DCN: variants seen among roughly 807,000 people sequenced by gnomAD.
DCN encodes the protein bone proteoglycan II.
Under a neutral mutation model 36.5 loss-of-function variants are expected in DCN, and 17 were observed. The observed-to-expected ratio is 0.47, with a 90% CI of 0.32 to 0.70. The LOEUF (loss-of-function observed/expected upper bound fraction) is 0.70. Ranked by LOEUF, DCN falls within the 30% of genes least tolerant of loss-of-function variation. The pLI is 0.04. For synonymous variants in DCN, 163 were observed against 161.4 expected, an observed-to-expected ratio of 1.01 and a Z score of -0.07; for missense variants, 389 against 430.1, an observed-to-expected ratio of 0.90 and a Z score of 0.84.
At position 91,171,694 on chromosome 12, in the gene DCN, A is replaced by G. The variant is rs532022794; in HGVS notation, c.211+6648T>C. ...AAGCTTGTGGGCGACAGCAGCAGCA[A>G]CTGTCAGTTATGAGAGTGAACAGGT... is the stretch of plus-strand genomic sequence containing the variant. On this transcript the variant is annotated intron_variant, in intron 2 of 7. Coordinates refer to ENST00000052754, the MANE Select transcript of DCN (RefSeq NM_001920.5). 4.6e-5 allele frequency among the ~76,000 whole-genome samples: 7 copies of G among 152,342 alleles called. No homozygotes were observed. The East Asian group carries it at 1.4e-3, about 29-fold the overall frequency.
At chr12:91,163,269 C>A (rs1255109296) in intron 3 of DCN, among the ~76,000 whole-genome samples, 1 of 152,164 alleles carries the variant, frequency 6.6e-6, no homozygotes, top group Admixed American at 6.5e-5. Flanking sequence ...TTGGGTTGGT[C>A]ATTTCCCTTG....
At chr12:91,177,397 A>T in intron 2 of DCN, 2 of 578,682 alleles carry the variant, frequency 3.5e-6, no homozygotes, top group Admixed American at 3.1e-5. Context: ...GTGCCTGATC[A>T]TAGTATGGAA....
intron 7 of DCN, among the ~76,000 whole-genome samples, chr12:91,148,232 C>A (rs1238253774): frequency 1.3e-5 from 2 of 152,054 alleles, no homozygotes; most frequent in South Asian, 4.2e-4. Flanking sequence ...CACCACCACG[C>A]CCGGCTAATT....
At chr12:91,155,349 G>T (rs780096459) in intron 5 of DCN, among the ~76,000 whole-genome samples, 1 of 152,040 alleles carries the variant, frequency 6.6e-6, no homozygotes, top group Non-Finnish European at 1.5e-5. Flanking sequence ...ATGATACCCG[G>T]AACTAAATAC....
chr12:91,150,562 T>C (rs928201654), intron 7 of DCN, among the ~76,000 whole-genome samples: 3 of 152,124 alleles, frequency 2.0e-5, no homozygotes, highest in African/African-American at 7.2e-5. Flanking sequence ...TGCCAGTCAG[T>C]ATGGTGATTA....
In DCN at chr12:91,142,863, A is replaced by C. The variant is rs2121105039; in HGVS notation, c.*3195T>G. The C allele has an allele frequency of 6.6e-6, 1 of 152,314 alleles. No individual in the cohort carries two copies. Among genetic ancestry groups the C allele is most frequent in the East Asian group, 1.9e-4 (1 of 5,182 alleles). The allele number at this position is 152,314 out of a possible 1,614,324, so 9.4% of individuals were successfully genotyped here. A position where few individuals can be genotyped will look rare whatever the true frequency, so the allele number is the denominator to read the frequency against. On this transcript the variant is annotated 3_prime_UTR_variant, in exon 8 of 8. Transcript: ENST00000052754. ...AAAAAAATTAAACATTTAATAAGGA[A>C]AAAAGAAAGTGGATATTAATGATTA...
intron 3 of DCN, among the ~76,000 whole-genome samples, chr12:91,159,387 G>A (rs1882015018): frequency 6.6e-6 from 1 of 151,628 alleles, no homozygotes; most frequent in African/African-American, 2.4e-5. Flanking sequence ...GCTTTTCTTT[G>A]TATTTCCTTG....
At position 91,147,731 on chromosome 12, in the gene DCN, G is replaced by A. The variant is rs192504029; in HGVS notation, c.886-1479C>T. ...CATAAAGTACTGGAATTGAAATAAA[G>A]AATCACAAACTCCAAGAAATTCTTA... On this transcript the variant is annotated intron_variant, in intron 7 of 7. Coordinates refer to ENST00000052754, the MANE Select transcript of DCN (RefSeq NM_001920.5). 1.7e-4 allele frequency among the ~76,000 whole-genome samples: 26 copies of A among 152,236 alleles called. No homozygotes were observed. In the East Asian group the frequency reaches 4.6e-3, roughly 27 times the overall value.
intron 7 of DCN, among the ~76,000 whole-genome samples, chr12:91,149,472 AAG>A (rs1280005628): frequency 6.6e-6 from 1 of 152,240 alleles, no homozygotes; most frequent in African/African-American, 2.4e-5. Flanking sequence ...GCATCTATAG[AAG>A]ACCTGTGGCT....
chr12:91,170,677 A>G (rs1209548166), intron 2 of DCN, among the ~76,000 whole-genome samples: 2 of 152,208 alleles, frequency 1.3e-5, no homozygotes, highest in Non-Finnish European at 2.9e-5. Context: ...TAGAGTCAGA[A>G]TGGCTCGGGT....
At chr12:91,157,336 C>A in intron 4 of DCN, 148 bp from the exon 5 acceptor site, 1 of 656,112 alleles carries the variant, frequency 1.5e-6, no homozygotes, top group Middle Eastern at 2.9e-4. Context: ...AGAGCATGCT[C>A]CTCAGGAGAA....
chr12:91,146,259 C>T lies in DCN; in HGVS notation c.886-7G>A, dbSNP rs780312819. 4.5e-6 allele frequency: 7 copies of T among 1,545,398 alleles called. No homozygotes were observed. Among genetic ancestry groups the T allele is most frequent in the South Asian group, 1.1e-5 (1 of 89,092 alleles). The stretch of plus-strand genomic sequence containing the variant: ...TGTTATGAAGGTAGACAACCTACAA[C>T]ATGAAACGATAGAAAATAATTATTA... On this transcript the variant is annotated splice_region_variant and splice_polypyrimidine_tract_variant and intron_variant, in intron 7 of 7. Transcript: ENST00000052754.
At position 91,158,361 on chromosome 12, in the gene DCN, T is replaced by C. The variant is rs1402013836; in HGVS notation, c.473A>G (p.His158Arg). 5 of 1,613,836 alleles carry C rather than the reference T, an allele frequency of 3.1e-6. No individual in the cohort carries two copies. Among genetic ancestry groups the C allele is most frequent in the South Asian group, 1.1e-5 (1 of 91,080 alleles). ...MPKTLQELRA[H>R]ENEITKVRKV... is the part of the protein sequence containing the mutation. ...TCGCACTTTGGTGATCTCATTCTCATGGGCACGCAGCTCCTGAAGAGTTTT... is the reference window on the plus strand; with the variant it reads ...TCGCACTTTGGTGATCTCATTCTCACGGGCACGCAGCTCCTGAAGAGTTTT... The change falls in exon 4 of 8, where the codon CAT (histidine) becomes CGT (arginine). Residue 158 changes from histidine (H) to arginine (R), a missense_variant. Transcript: ENST00000052754.
chr12:91,147,813 T>G (rs1012644319), intron 7 of DCN, among the ~76,000 whole-genome samples: 3 of 152,202 alleles, frequency 2.0e-5, no homozygotes, highest in African/African-American at 7.2e-5. Flanking sequence ...CAAATACATA[T>G]TTTACGTAAT....
chr12:91,179,359 G>C (rs1883477787), intron 1 of DCN: 1 of 152,154 alleles, frequency 6.6e-6, no homozygotes, highest in Non-Finnish European at 1.5e-5. Context: ...GTAGAATACC[G>C]ACCTTGCAAG....
Position 91,178,495 on chromosome 12 carries a change from G to C in DCN, c.58C>G (p.Gln20Glu), listed in dbSNP as rs771532366. The C allele has an allele frequency of 6.2e-7, 1 of 1,613,610 alleles. No homozygotes were observed. The highest frequency in any genetic ancestry group is 8.5e-7 in the Non-Finnish European group (1 of 1,179,956). The change falls in exon 2 of 8, where the codon CAA (glutamine) becomes GAA (glutamate). Residue 20 changes from glutamine (Q) to glutamate (E), a missense_variant. Gln to Glu is a conservative substitution (Grantham distance 29, BLOSUM62 2). Transcript: ENST00000052754. ...LAQVSWAGPFQQRGLFDFMLE... is the reference protein window; with the variant it reads ...LAQVSWAGPFEQRGLFDFMLE... ...ATAAAGTCAAATAAGCCTCTCTGTT[G>C]AAACGGTCCAGCCCAGGAAACTTGT...
chr12:91,181,579 T>C (rs1403122656), intron 1 of DCN, among the ~76,000 whole-genome samples: 1 of 152,108 alleles, frequency 6.6e-6, no homozygotes. Context: ...CTAGTTGCCA[T>C]AGTTTACAAA....
At chr12:91,178,645 T>C (rs886414085) in intron 1 of DCN, 60 bp from the exon 2 acceptor site, 2 of 1,011,528 alleles carry the variant, frequency 2.0e-6, no homozygotes, top group Non-Finnish European at 3.1e-6. Flanking sequence ...TGTCGTTTCT[T>C]ATATAATATG....
At chr12:91,180,614 A>G (rs1868363036) in intron 1 of DCN, 1 of 152,188 alleles carries the variant, frequency 6.6e-6, no homozygotes, top group South Asian at 2.1e-4. Context: ...AATATCATAA[A>G]GATTATTATT....
Sources: allele counts gnomAD v4.1 joint callset (sites outside exome capture counted in the v4.1 genomes callset), GRCh38; gene constraint gnomAD v4.1.1; transcripts MANE v1.5; gene names NCBI Gene and HGNC (gene_info 2026-07-23, HGNC 2026-07-21).